The following PCBP3 variants were observed in gnomAD, a reference collection of about 807,000 sequenced individuals.
PCBP3 encodes the protein poly(rC)-binding protein 3.
In PCBP3, 25 loss-of-function variants were observed where a neutral mutation model predicts 52.7. That is an observed-to-expected ratio of 0.47 (90% CI 0.35 to 0.66). PCBP3 has a LOEUF of 0.66. Ranked by LOEUF, PCBP3 falls within the 30% of genes least tolerant of loss-of-function variation. PCBP3 has a pLI of 0.01. For synonymous variants in PCBP3, 162 were observed against 183.0 expected (o/e 0.89, Z 0.93); for missense variants, 391 against 490.3 (o/e 0.80, Z 1.91).
intron 4 of PCBP3, among the ~76,000 whole-genome samples, chr21:45,820,957 A>G (rs757925634): frequency 7.9e-5 from 12 of 152,060 alleles, no homozygotes; most frequent in African/African-American, 2.7e-4. Flanking sequence ...AGGCCACAGC[A>G]GTGATAGCAC....
chr21:45,807,442 A>C (rs1270980018), intron 4 of PCBP3, among the ~76,000 whole-genome samples: 1 of 152,214 alleles, frequency 6.6e-6, no homozygotes, highest in African/African-American at 2.4e-5. Flanking sequence ...CAATTGCTAC[A>C]AAGAGAATAA....
chr21:45,690,037 A>G (rs1603266737), intron 2 of PCBP3, among the ~76,000 whole-genome samples: 1 of 152,192 alleles, frequency 6.6e-6, no homozygotes. Context: ...AATGCAAAAG[A>G]CCTAAAACAG....
At chr21:45,877,741 G>A (rs903095855) in intron 5 of PCBP3, among the ~76,000 whole-genome samples, 1 of 152,206 alleles carries the variant, frequency 6.6e-6, no homozygotes, top group Non-Finnish European at 1.5e-5. Flanking sequence ...GGGAGGTGGA[G>A]GTTGCAGTGA....
intron 4 of PCBP3, among the ~76,000 whole-genome samples, chr21:45,794,947 C>T (rs1428964684): frequency 2.0e-5 from 3 of 150,944 alleles, no homozygotes; most frequent in African/African-American, 7.3e-5. Flanking sequence ...AAAAAAGGAC[C>T]TAGAAACAGA....
chr21:45,882,112 G>A (rs1158609953), intron 5 of PCBP3, among the ~76,000 whole-genome samples: 1 of 152,160 alleles, frequency 6.6e-6, no homozygotes, highest in Non-Finnish European at 1.5e-5. Context: ...CTTCCGTACC[G>A]TTCTCCATAA....
At chr21:45,923,282 G>A (rs115581831) in intron 13 of PCBP3, among the ~76,000 whole-genome samples, 138 of 152,312 alleles carry the variant, frequency 9.1e-4, no homozygotes, top group African/African-American at 2.8e-3. Flanking sequence ...GGCACATGCC[G>A]AGGGGCCCAG....
At chr21:45,850,196 C>A in intron 5 of PCBP3, 101 bp downstream of exon 5, 1 of 959,232 alleles carries the variant, frequency 1.0e-6, no homozygotes, top group Non-Finnish European at 1.6e-6. Context: ...TGAAGTGACA[C>A]AGTGCTGTAT....
chr21:45,917,721 T>G lies in PCBP3; in HGVS notation c.717+92T>G, dbSNP rs1349654689. On this transcript the variant is annotated intron_variant, in intron 13 of 17. Coordinates refer to ENST00000681687, the MANE Select transcript of PCBP3 (RefSeq NM_001384156.1). The surrounding 1 kb of genome is among the most constrained non-coding windows in gnomAD (Gnocchi z 5.3). ...CTGTTAATTGCTACTAACATTAATA[T>G]TACACAATAATATTAATCAACTTCT... 3 of 989,370 alleles carry G rather than the reference T, an allele frequency of 3.0e-6. No individual in the cohort carries two copies. The African/African-American group carries it at 4.8e-5, about 16-fold the overall frequency. The allele number at this position is 989,370 out of a possible 1,614,324, so 61.3% of individuals were successfully genotyped here. A position where few individuals can be genotyped will look rare whatever the true frequency, so the allele number is the denominator to read the frequency against.
chr21:45,772,301 T>C (rs2089935637), intron 4 of PCBP3, among the ~76,000 whole-genome samples: 1 of 152,194 alleles, frequency 6.6e-6, no homozygotes, highest in Non-Finnish European at 1.5e-5. Context: ...TACATATAGG[T>C]GAGAACATAA....
Position 45,800,869 on chromosome 21 carries a change from G to GCCT in PCBP3, c.-126+45426_-126+45428dup, listed in dbSNP as rs1569240969. Among the ~76,000 whole-genome samples, 5 of 148,442 alleles carry GCCT rather than the reference G, an allele frequency of 3.4e-5. No individual in the cohort carries two copies. Among genetic ancestry groups the GCCT allele is most frequent in the Non-Finnish European group, 2.9e-5 (2 of 67,946 alleles). On this transcript the variant is annotated intron_variant, in intron 4 of 17. Transcript: ENST00000681687. The surrounding 1 kb of genome is among the most constrained non-coding windows in gnomAD (Gnocchi z 5.3). ...TGGGGTGTTTGAGCATGGGGTTCCC[G>GCCT]CCTCCTCCTCCAAGTGACTTTCCTT...
intron 5 of PCBP3, among the ~76,000 whole-genome samples, chr21:45,857,244 A>G (rs2094335423): frequency 6.6e-6 from 1 of 152,174 alleles, no homozygotes; most frequent in Admixed American, 6.5e-5. Flanking sequence ...TTTGGGGTAA[A>G]TTATTTTGTA....
chr21:45,739,169 G>A (rs2086161914), intron 3 of PCBP3, among the ~76,000 whole-genome samples: 4 of 115,476 alleles, frequency 3.5e-5, no homozygotes, highest in Non-Finnish European at 5.3e-5. Context: ...TCCTCTGGGT[G>A]GCCCTCCCCC....
At chr21:45,764,484 A>C (rs1291908636) in intron 4 of PCBP3, among the ~76,000 whole-genome samples, 2 of 152,182 alleles carry the variant, frequency 1.3e-5, no homozygotes, top group East Asian at 3.9e-4. Flanking sequence ...GCTGTGTATT[A>C]GTTAACCCGC....
At chr21:45,782,338 G>A (rs1197243055) in intron 4 of PCBP3, among the ~76,000 whole-genome samples, 2 of 152,182 alleles carry the variant, frequency 1.3e-5, no homozygotes, top group Admixed American at 1.3e-4. Flanking sequence ...AGAATTTCAA[G>A]TGGAATCATC....
intron 4 of PCBP3, among the ~76,000 whole-genome samples, chr21:45,826,672 C>T (rs905587015): frequency 6.6e-6 from 1 of 152,184 alleles, no homozygotes; most frequent in Non-Finnish European, 1.5e-5. Flanking sequence ...CCTCAGGACC[C>T]ATGGGACGAC....
chr21:45,899,201 TAA>T (rs912429341), intron 6 of PCBP3, among the ~76,000 whole-genome samples: 17 of 152,328 alleles, frequency 1.1e-4, no homozygotes, highest in African/African-American at 3.8e-4. Flanking sequence ...ATTGCAGTGC[TAA>T]GTTTTCTTTA....
chr21:45,846,672 C>T (rs1031705418), intron 4 of PCBP3, among the ~76,000 whole-genome samples: 3 of 152,142 alleles, frequency 2.0e-5, no homozygotes, highest in African/African-American at 4.8e-5. Context: ...AGCCAGCTTC[C>T]GTGTTTGGGG....
intron 5 of PCBP3, among the ~76,000 whole-genome samples, chr21:45,868,534 C>A (rs1463027443): frequency 6.6e-6 from 1 of 151,554 alleles, no homozygotes; most frequent in African/African-American, 2.4e-5. Context: ...CGCCACTGAG[C>A]CTTAAGGCGT....
chr21:45,679,573 T>A (rs955650885), intron 2 of PCBP3, among the ~76,000 whole-genome samples: 6 of 152,236 alleles, frequency 3.9e-5, no homozygotes, highest in African/African-American at 1.2e-4. Context: ...ATATTTGCTT[T>A]ATTATGGTAC....
Sources: gnomAD v4.1 joint callset for allele counts (sites outside exome capture counted in the v4.1 genomes callset) on GRCh38, gnomAD v4.1.1 for gene constraint, Gnocchi (gnomAD v3.1) non-coding constraint, MANE v1.5 for transcripts, NCBI Gene and HGNC (gene_info 2026-07-23, HGNC 2026-07-21) for gene names.